DOCK1: variants seen among roughly 807,000 people sequenced by gnomAD.
DOCK1 encodes the protein dedicator of cytokinesis protein 1.
A neutral mutation model predicts 262.7 loss-of-function variants in DOCK1; 138 were observed. The observed-to-expected ratio is 0.53, with a 90% CI of 0.46 to 0.61. The LOEUF (loss-of-function observed/expected upper bound fraction) is 0.61, where lower values mean the gene tolerates loss of function less well. Among genes scored for constraint, DOCK1 ranks in the 20% least tolerant of loss-of-function variants. DOCK1 has a pLI of 0.00. For missense variants in DOCK1, 1,908 were observed against 2,370.7 expected (o/e 0.80, Z 4.05); for synonymous variants, 866 against 867.4 (o/e 1.00, Z 0.03).
At chr10:126,998,936 T>G (rs2040399179) in intron 8 of DOCK1, among the ~76,000 whole-genome samples, 1 of 152,232 alleles carries the variant, frequency 6.6e-6, no homozygotes, top group African/African-American at 2.4e-5. Context: ...ACGAGTGGAT[T>G]TTATTCTCAC....
chr10:127,399,867 T>A (rs2067121631), intron 38 of DOCK1, among the ~76,000 whole-genome samples: 3 of 152,240 alleles, frequency 2.0e-5, no homozygotes, highest in Middle Eastern at 3.4e-3. Flanking sequence ...AGTAGGGAAG[T>A]TCTCCCTTCC....
chr10:127,422,857 AT>A (rs947903659), intron 46 of DOCK1, among the ~76,000 whole-genome samples: 68 of 150,886 alleles, frequency 4.5e-4, no homozygotes, highest in East Asian at 2.7e-3. Context: ...AGTTCTATTG[AT>A]TTTTTTTTTC....
chr10:126,954,305 C>A (rs2036560215), intron 1 of DOCK1, among the ~76,000 whole-genome samples: 1 of 152,240 alleles, frequency 6.6e-6, no homozygotes, highest in African/African-American at 2.4e-5. Flanking sequence ...TCTTGGGAAT[C>A]ACAGCCGATG....
intron 23 of DOCK1, among the ~76,000 whole-genome samples, chr10:127,062,235 G>A (rs1199477161): frequency 2.6e-5 from 4 of 152,018 alleles, no homozygotes; most frequent in South Asian, 2.1e-4. Flanking sequence ...CACTGTGCCC[G>A]GCCTTTTTTT....
chr10:127,314,386 G>T (rs1347655805), intron 29 of DOCK1, among the ~76,000 whole-genome samples: 1 of 152,198 alleles, frequency 6.6e-6, no homozygotes, highest in Non-Finnish European at 1.5e-5. Context: ...GTGGGTTCTG[G>T]GCAAGCTGTG....
chr10:126,996,435 A>G (rs1405108963), intron 6 of DOCK1, among the ~76,000 whole-genome samples: 1 of 151,624 alleles, frequency 6.6e-6, no homozygotes, highest in East Asian at 1.9e-4. Context: ...ATTTTACATA[A>G]TAATTAGTAA....
Position 127,447,565 on chromosome 10 carries a change from C to T in DOCK1, c.5565+20C>T. The T allele has an allele frequency of 6.2e-7, 1 of 1,612,180 alleles. No homozygotes were observed. The highest frequency in any genetic ancestry group is 8.5e-7 in the Non-Finnish European group (1 of 1,178,692). ...CAGAGGGTAAGTCGGCAATCTGAAACACAGGCTTTCATTGCTTCGCCTCCA... is the reference window on the plus strand; with the variant it reads ...CAGAGGGTAAGTCGGCAATCTGAAATACAGGCTTTCATTGCTTCGCCTCCA... On this transcript the variant is annotated intron_variant, in intron 51 of 51. Coordinates refer to ENST00000623213, the MANE Select transcript of DOCK1 (RefSeq NM_001290223.2).
Position 127,303,966 on chromosome 10 carries a change from G to A in DOCK1, c.3045-35040G>A, listed in dbSNP as rs76387096. 8.6e-3 allele frequency among the ~76,000 whole-genome samples: 1,317 copies of A among 152,348 alleles called. 36 individuals carry two copies. In the East Asian group the frequency reaches 0.11, roughly 12 times the overall value. ...AAACCCAGTGCGGGCTTATCAACCC[G>A]AAGAATTCCCTCTGGGCCCCAGGGA... On this transcript the variant is annotated intron_variant, in intron 29 of 51. Coordinates refer to ENST00000623213, the MANE Select transcript of DOCK1 (RefSeq NM_001290223.2).
At chr10:127,018,923 C>A in intron 13 of DOCK1, 88 bp downstream of exon 13, 1 of 1,553,632 alleles carries the variant, frequency 6.4e-7, no homozygotes. Flanking sequence ...CATGTATGAG[C>A]TCTGGCAAGG....
At chr10:127,338,175 C>G (rs1344803123) in intron 29 of DOCK1, among the ~76,000 whole-genome samples, 1 of 152,152 alleles carries the variant, frequency 6.6e-6, no homozygotes, top group East Asian at 1.9e-4. Flanking sequence ...ATACTAATTC[C>G]TCTTACATCC....
chr10:127,175,591 C>T lies in DOCK1; in HGVS notation c.2847+47827C>T, dbSNP rs1330724929. 1 of 1,612,436 alleles carries T rather than the reference C, an allele frequency of 6.2e-7. No homozygotes were observed. Among genetic ancestry groups the T allele is most frequent in the African/African-American group, 1.3e-5 (1 of 74,926 alleles). On this transcript the variant is annotated intron_variant, in intron 27 of 51. Coordinates refer to ENST00000623213, the MANE Select transcript of DOCK1 (RefSeq NM_001290223.2). The surrounding 1 kb of genome is among the most constrained non-coding windows in gnomAD (Gnocchi z 6.3). ...CTGGCGGCTGCAGAGTCTGACAAACCAGGCTCGGGGGCCCTGGCACTGAGG... is the reference window on the plus strand; with the variant it reads ...CTGGCGGCTGCAGAGTCTGACAAACTAGGCTCGGGGGCCCTGGCACTGAGG...
rs548572077 is a variant in DOCK1 at position 127,304,794 on chromosome 10, G to A, written c.3045-34212G>A. ...CTACTCAGGAGGCTGAAGTGGGAGA[G>A]TCACTTGAGCCCAAGAGTTCAAGAT... On this transcript the variant is annotated intron_variant, in intron 29 of 51. Transcript: ENST00000623213. Among the ~76,000 whole-genome samples, 75 of 152,136 alleles carry A rather than the reference G, an allele frequency of 4.9e-4. 1 individual carries two copies. The highest frequency in any genetic ancestry group is 1.7e-3 in the African/African-American group (70 of 41,492).
chr10:126,964,161 C>G lies in DOCK1; in HGVS notation c.47-6541C>G, dbSNP rs1248393058. ...CACCAAGTTGCTATAAACGGCTGGT[C>G]TCTGCCCCAGGGTCAAGTTGAAAGG... On this transcript the variant is annotated intron_variant, in intron 1 of 51. Coordinates refer to ENST00000623213, the MANE Select transcript of DOCK1 (RefSeq NM_001290223.2). Among the ~76,000 whole-genome samples the G allele has an allele frequency of 2.6e-5, 4 of 152,190 alleles. No homozygotes were observed. In the East Asian group the frequency reaches 7.7e-4, roughly 29 times the overall value.
intron 7 of DOCK1, 106 bp from the exon 8 acceptor site, chr10:126,997,986 T>C: frequency 4.2e-6 from 6 of 1,434,882 alleles, no homozygotes; most frequent in Non-Finnish European, 5.7e-6. Flanking sequence ...CTTTGCTGGG[T>C]TATGCCAATG....
chr10:127,282,122 G>T (rs1329412146), intron 29 of DOCK1, among the ~76,000 whole-genome samples: 1 of 152,184 alleles, frequency 6.6e-6, no homozygotes, highest in East Asian at 1.9e-4. Context: ...GTGGGTTGCG[G>T]GTTGGACAAG....
At chr10:127,115,374 G>A (rs1436507420) in intron 25 of DOCK1, among the ~76,000 whole-genome samples, 1 of 152,164 alleles carries the variant, frequency 6.6e-6, no homozygotes, top group African/African-American at 2.4e-5. Context: ...CATGTGACTT[G>A]ACTACTTGAA....
At chr10:126,949,827 G>T (rs2036034789) in intron 1 of DOCK1, among the ~76,000 whole-genome samples, 2 of 151,948 alleles carry the variant, frequency 1.3e-5, no homozygotes, top group South Asian at 2.1e-4. Context: ...GGTTTTATGA[G>T]GGCTATTTGG....
intron 29 of DOCK1, among the ~76,000 whole-genome samples, chr10:127,293,284 G>A (rs1316023809): frequency 1.3e-5 from 2 of 152,202 alleles, no homozygotes; most frequent in Non-Finnish European, 2.9e-5. Flanking sequence ...TGTAACTGAT[G>A]TGCAATCTGT....
chr10:127,255,151 A>G (rs939745817), intron 28 of DOCK1, among the ~76,000 whole-genome samples: 1 of 152,126 alleles, frequency 6.6e-6, no homozygotes, highest in Admixed American at 6.6e-5. Flanking sequence ...TGTAATCCCA[A>G]CACTTTGGGA....
Sources: allele counts gnomAD v4.1 joint callset (sites outside exome capture counted in the v4.1 genomes callset), GRCh38; gene constraint gnomAD v4.1.1; non-coding constraint Gnocchi (gnomAD v3.1); transcripts MANE v1.5; gene names NCBI Gene and HGNC (gene_info 2026-07-23, HGNC 2026-07-21).